MAP2: variants seen among roughly 807,000 people sequenced by gnomAD.
MAP2 encodes microtubule-associated protein 2.
MAP2 carries 14 observed loss-of-function variants against 137.6 expected under a neutral mutation model. The observed-to-expected ratio is 0.10, with a 90% CI of 0.07 to 0.16. MAP2 has a LOEUF of 0.16. MAP2 is among the 10% of genes least tolerant of loss of function. The pLI, the probability that MAP2 is intolerant of heterozygous loss-of-function variation, is 1.00. For missense variants in MAP2, 2,088 were observed against 2,191.5 expected (o/e 0.95, Z 0.94); for synonymous variants, 786 against 782.3 (o/e 1.00, Z -0.08).
At chr2:209,602,945 A>G (rs542200051) in intron 3 of MAP2, among the ~76,000 whole-genome samples, 1 of 152,262 alleles carries the variant, frequency 6.6e-6, no homozygotes, top group East Asian at 1.9e-4. Flanking sequence ...TCCTAGGAGG[A>G]AGGCTAATGA....
At chr2:209,668,059 C>T (rs1273690696) in intron 5 of MAP2, among the ~76,000 whole-genome samples, 2 of 152,032 alleles carry the variant, frequency 1.3e-5, no homozygotes, top group Non-Finnish European at 1.5e-5. Flanking sequence ...ATTTTATCTA[C>T]CTTTCTCTTT....
At position 209,695,560 on chromosome 2, in the gene MAP2, C is replaced by A. The variant is rs2059969547; in HGVS notation, c.3390C>A (p.Ser1130=). The A allele has an allele frequency of 6.2e-7, 1 of 1,613,868 alleles. No individual in the cohort carries two copies. The highest frequency in any genetic ancestry group is 8.5e-7 in the Non-Finnish European group (1 of 1,179,974). ...AGGAGGCTGTAGACAAGGAGGAGTC[C>A]TATGAATCTAGTGGTGAGCATGAAA... The part of the protein sequence containing the change: ...VHQEAVDKEE[S]YESSGEHESL... The change falls in exon 8 of 16, where the codon TCC becomes TCA. Residue 1130 remains serine, a synonymous_variant. Coordinates refer to ENST00000682079, the MANE Select transcript of MAP2 (RefSeq NM_001375505.1).
At position 209,442,653 on chromosome 2, in the gene MAP2, C is replaced by T. The variant is rs972752081; in HGVS notation, c.-222+18377C>T. ...ATTCTGACTACTTCCTAATCTGTAT[C>T]TCCAGTTTGGGAATCTTCCCTGAGA... On this transcript the variant is annotated intron_variant, in intron 1 of 15. Transcript: ENST00000682079. Among the ~76,000 whole-genome samples the T allele has an allele frequency of 2.0e-5, 3 of 151,636 alleles. No homozygotes were observed. In the South Asian group the frequency reaches 6.2e-4, roughly 31 times the overall value.
chr2:209,445,104 T>G (rs1161073147), intron 1 of MAP2, among the ~76,000 whole-genome samples: 1 of 151,646 alleles, frequency 6.6e-6, no homozygotes, highest in Non-Finnish European at 1.5e-5. Flanking sequence ...GATTTTGATT[T>G]AGAATCAATT....
chr2:209,567,523 G>A (rs956930873), intron 2 of MAP2, among the ~76,000 whole-genome samples: 3 of 152,018 alleles, frequency 2.0e-5, no homozygotes, highest in Admixed American at 6.6e-5. Context: ...AGACAGATCT[G>A]TTGGCCCAGA....
chr2:209,497,810 G>A (rs571921783), intron 1 of MAP2, among the ~76,000 whole-genome samples: 62 of 152,148 alleles, frequency 4.1e-4, no homozygotes, highest in Middle Eastern at 3.4e-3. Flanking sequence ...AAGCCATAAG[G>A]GATCACCTCC....
intron 2 of MAP2, chr2:209,579,699 G>A (rs2075967691): frequency 6.6e-6 from 1 of 152,218 alleles, no homozygotes; most frequent in African/African-American, 2.4e-5. Context: ...TCCCGGAGAA[G>A]GATTCTGCAG....
At chr2:209,726,187 G>A (rs1010757463) in intron 14 of MAP2, among the ~76,000 whole-genome samples, 3 of 152,000 alleles carry the variant, frequency 2.0e-5, no homozygotes, top group Admixed American at 6.6e-5. Context: ...GTAAAATAAG[G>A]ATTGTGCTTT....
rs200437236 is a variant in MAP2, at chr2:209,695,886, T to G, written c.3716T>G (p.Ile1239Arg). ...PAEIQSEEEE[I>R]EAQGEYDKLL... ...GAGATTCAGAGTGAGGAAGAAGAGA[T>G]AGAAGCCCAGGGAGAATATGATAAA... is the stretch of plus-strand genomic sequence containing the variant. Residue 1239 changes from isoleucine to arginine, a missense_variant, in exon 8 of 16, where the codon ATA becomes AGA. Physicochemically the swap from Ile to Arg is moderately conservative, Grantham distance 97. Transcript: ENST00000682079. 37 of 1,614,072 alleles carry G rather than the reference T, an allele frequency of 2.3e-5. 1 individual carries two copies. Among genetic ancestry groups the G allele is most frequent in the Middle Eastern group, 1.6e-4 (1 of 6,062 alleles).
intron 4 of MAP2, among the ~76,000 whole-genome samples, chr2:209,647,626 TC>T (rs1330144259): frequency 2.0e-5 from 3 of 152,212 alleles, no homozygotes; most frequent in African/African-American, 7.2e-5. Context: ...ATCATTGGAA[TC>T]AAAGGTTAAT....
chr2:209,536,743 A>C (rs2066006097), intron 2 of MAP2, among the ~76,000 whole-genome samples: 1 of 152,212 alleles, frequency 6.6e-6, no homozygotes, highest in African/African-American at 2.4e-5. Context: ...GTTACTTGTT[A>C]ATCTAAAGAA....
chr2:209,454,822 ACT>A (rs1166453184), intron 1 of MAP2, among the ~76,000 whole-genome samples: 1 of 152,106 alleles, frequency 6.6e-6, no homozygotes, highest in Non-Finnish European at 1.5e-5. Flanking sequence ...GTAATCATTT[ACT>A]CTGTCTTAGT....
chr2:209,555,548 G>A (rs2070366259), intron 2 of MAP2, among the ~76,000 whole-genome samples: 1 of 152,118 alleles, frequency 6.6e-6, no homozygotes, highest in Non-Finnish European at 1.5e-5. Context: ...CACAGGCAAA[G>A]TTCTAGTTTT....
At chr2:209,536,186 A>G (rs2150657132) in intron 2 of MAP2, among the ~76,000 whole-genome samples, 1 of 152,350 alleles carries the variant, frequency 6.6e-6, no homozygotes, top group South Asian at 2.1e-4. Flanking sequence ...GATCTGTGCC[A>G]TAAGCTGGAC....
In MAP2 at chr2:209,710,264, G is replaced by C; in HGVS notation, c.5073+10G>C. ...GCCTAAAGGGGGGCAGGTAAGAATT[G>C]CATGAACACATATTTGCTGCCAGAA... is the stretch of plus-strand genomic sequence containing the variant. On this transcript the variant is annotated intron_variant, in intron 13 of 15. Transcript: ENST00000682079. 6.5e-7 allele frequency: 1 copy of C among 1,548,620 alleles called. No homozygotes were observed. Among genetic ancestry groups the C allele is most frequent in the Non-Finnish European group, 8.8e-7 (1 of 1,141,932 alleles).
chr2:209,666,259 C>A (rs1283429911), intron 5 of MAP2, among the ~76,000 whole-genome samples: 2 of 118,992 alleles, frequency 1.7e-5, no homozygotes, highest in Non-Finnish European at 3.8e-5. Flanking sequence ...TAGATCACAA[C>A]GCATGTAAGA....
At chr2:209,574,420 G>A (rs1261993595) in intron 2 of MAP2, among the ~76,000 whole-genome samples, 2 of 137,518 alleles carry the variant, frequency 1.5e-5, no homozygotes, top group South Asian at 2.3e-4. Context: ...TTTTAGAGCT[G>A]CATAGTATAG....
intron 11 of MAP2, 65 bp downstream of exon 11, chr2:209,700,403 G>T: frequency 8.0e-7 from 1 of 1,251,700 alleles, no homozygotes; most frequent in Non-Finnish European, 1.2e-6. Context: ...TGTAACATCA[G>T]AATAACTTTT....
At chr2:209,460,639 T>C (rs1702551356) in intron 1 of MAP2, among the ~76,000 whole-genome samples, 1 of 151,974 alleles carries the variant, frequency 6.6e-6, no homozygotes, top group Non-Finnish European at 1.5e-5. Context: ...TTTTTCTCTT[T>C]CTTTTCACTC....
Sources: gnomAD v4.1 joint callset for allele counts (sites outside exome capture counted in the v4.1 genomes callset) on GRCh38, gnomAD v4.1.1 for gene constraint, MANE v1.5 for transcripts, NCBI Gene and HGNC (gene_info 2026-07-23, HGNC 2026-07-21) for gene names.